The following PLPPR5 variants were observed in gnomAD, a reference collection of about 807,000 sequenced individuals.
PLPPR5 encodes the protein phospholipid phosphatase-related protein type 5.
A neutral mutation model predicts 33.9 loss-of-function variants in PLPPR5; 16 were observed. The ratio of observed to expected loss-of-function variants is 0.47; its 90% confidence interval spans 0.32 to 0.72. The LOEUF (loss-of-function observed/expected upper bound fraction) is 0.72. Ranked by LOEUF, PLPPR5 falls within the 30% of genes least tolerant of loss-of-function variation. PLPPR5 has a pLI of 0.03. For missense variants in PLPPR5, 301 were observed against 406.7 expected (o/e 0.74, Z 2.23); for synonymous variants, 163 against 150.3 (o/e 1.08, Z -0.62).
chr1:98,951,422 T>C (rs1650781205), intron 3 of PLPPR5, among the ~76,000 whole-genome samples: 1 of 152,202 alleles, frequency 6.6e-6, no homozygotes, highest in Middle Eastern at 3.4e-3. Context: ...CACAGTGAGA[T>C]GGCAAGGAGA....
rs563346728 is a variant in PLPPR5 at position 98,999,485 on chromosome 1, GT to G, written c.237+4949del. 5.3e-5 allele frequency among the ~76,000 whole-genome samples: 8 copies of G among 152,304 alleles called. No individual in the cohort carries two copies. In the South Asian group the frequency reaches 8.3e-4, roughly 16 times the overall value. ...TGTACTGAGTCTCCAAGAGGTGGGT[GT>G]TTTTATGTTCAGTTTATGAATGAGA... On this transcript the variant is annotated intron_variant, in intron 1 of 5. Transcript: ENST00000263177.
At chr1:98,969,550 G>A (rs1241338335) in intron 1 of PLPPR5, among the ~76,000 whole-genome samples, 1 of 151,904 alleles carries the variant, frequency 6.6e-6, no homozygotes, top group Non-Finnish European at 1.5e-5. Context: ...TTGGATCTAT[G>A]GCTTAGAAAG....
intron 1 of PLPPR5, among the ~76,000 whole-genome samples, chr1:98,993,190 G>A (rs962685897): frequency 5.3e-5 from 8 of 152,050 alleles, no homozygotes; most frequent in African/African-American, 1.9e-4. Context: ...TCTAGGCATT[G>A]ATTTGACAAT....
chr1:98,921,193 T>C (rs148818997), intron 4 of PLPPR5, among the ~76,000 whole-genome samples: 306 of 152,306 alleles, frequency 2.0e-3, no homozygotes, highest in African/African-American at 6.6e-3. Flanking sequence ...ATGGAAATAG[T>C]CCTAGAAGAT....
chr1:98,981,634 C>T (rs1047580498), intron 1 of PLPPR5, among the ~76,000 whole-genome samples: 1 of 152,062 alleles, frequency 6.6e-6, no homozygotes, highest in African/African-American at 2.4e-5. Flanking sequence ...GAACCCATTA[C>T]ACACAGACAG....
At chr1:98,995,704 T>G (rs1238506110) in intron 1 of PLPPR5, among the ~76,000 whole-genome samples, 1 of 152,106 alleles carries the variant, frequency 6.6e-6, no homozygotes, top group African/African-American at 2.4e-5. Flanking sequence ...CAGGATTTCA[T>G]GAACTAAAAA....
intron 3 of PLPPR5, among the ~76,000 whole-genome samples, chr1:98,945,486 A>G (rs1271441992): frequency 6.6e-6 from 1 of 152,100 alleles, no homozygotes; most frequent in Non-Finnish European, 1.5e-5. Context: ...CAATGGGGGT[A>G]CCTTCCAGGA....
chr1:98,979,057 C>T (rs1428741442), intron 1 of PLPPR5, among the ~76,000 whole-genome samples: 1 of 152,036 alleles, frequency 6.6e-6, no homozygotes, highest in Non-Finnish European at 1.5e-5. Flanking sequence ...CAGCATTTCA[C>T]CTGATACTCA....
At chr1:98,916,952 C>T (rs74747951) in intron 4 of PLPPR5, among the ~76,000 whole-genome samples, 2,757 of 152,130 alleles carry the variant, frequency 0.018, 87 homozygotes, top group African/African-American at 0.062. Context: ...GACAGTTCTC[C>T]GAGTCTCAGT....
At chr1:98,903,364 G>T (rs1449310612) in intron 5 of PLPPR5, among the ~76,000 whole-genome samples, 1 of 151,944 alleles carries the variant, frequency 6.6e-6, no homozygotes, top group African/African-American at 2.4e-5. Context: ...TTGCATTATA[G>T]AAAATCAACT....
chr1:98,993,235 T>C (rs1296686244), intron 1 of PLPPR5, among the ~76,000 whole-genome samples: 1 of 152,106 alleles, frequency 6.6e-6, no homozygotes, highest in Non-Finnish European at 1.5e-5. Context: ...TAAGCCCTTC[T>C]TCACGACTAA....
chr1:98,910,484 A>G (rs1649078807), intron 5 of PLPPR5, among the ~76,000 whole-genome samples: 1 of 152,214 alleles, frequency 6.6e-6, no homozygotes, highest in Non-Finnish European at 1.5e-5. Flanking sequence ...TTTCTATGGC[A>G]TATTTCTGGT....
At chr1:98,974,927 T>C (rs1327778450) in intron 1 of PLPPR5, among the ~76,000 whole-genome samples, 1 of 152,058 alleles carries the variant, frequency 6.6e-6, no homozygotes, top group East Asian at 1.9e-4. Flanking sequence ...CAGTGAAGTT[T>C]TGCTGCTAAA....
chr1:98,911,405 T>C (rs761154546), intron 5 of PLPPR5, among the ~76,000 whole-genome samples: 1 of 152,212 alleles, frequency 6.6e-6, no homozygotes, highest in Non-Finnish European at 1.5e-5. Context: ...TGTACATGAA[T>C]ACATATATTA....
At chr1:98,965,449 A>G (rs1210509479) in intron 1 of PLPPR5, among the ~76,000 whole-genome samples, 2 of 152,162 alleles carry the variant, frequency 1.3e-5, no homozygotes, top group African/African-American at 4.8e-5. Context: ...AGTCTCCATC[A>G]TGTCTTTGAG....
chr1:98,931,590 G>A (rs1047760542), intron 3 of PLPPR5, among the ~76,000 whole-genome samples: 1 of 152,122 alleles, frequency 6.6e-6, no homozygotes, highest in Non-Finnish European at 1.5e-5. Flanking sequence ...GGAAGGCGGG[G>A]CTGGAGTAGT....
rs533245000 is a variant in PLPPR5, at chr1:98,940,550, A to G, written c.621+12520T>C. On this transcript the variant is annotated intron_variant, in intron 3 of 5. Coordinates refer to ENST00000263177, the MANE Select transcript of PLPPR5 (RefSeq NM_001037317.2). ...CACACGTAGGAGTGTAACGCTTGAA[A>G]GGGCTTTCACTGGGAGGGCAGGCTA... is the stretch of plus-strand genomic sequence containing the variant. Among the ~76,000 whole-genome samples, 33 of 152,034 alleles carry G rather than the reference A, an allele frequency of 2.2e-4. 1 individual carries two copies. The highest frequency in any genetic ancestry group is 2.2e-3 in the Admixed American group (33 of 15,226).
Position 99,003,056 on chromosome 1 carries a change from CATATATATATATATATATATATAT to C in PLPPR5, c.237+1355_237+1378del, listed in dbSNP as rs59686592. On this transcript the variant is annotated intron_variant, in intron 1 of 5. Coordinates refer to ENST00000263177, the MANE Select transcript of PLPPR5 (RefSeq NM_001037317.2). Reference sequence around the variant, plus strand: ...TAACACATTTTAGCAACTTATTTTACATATATATATATATATATATATATATATATATATATATATGTAAAACAT... The same window carrying C: ...TAACACATTTTAGCAACTTATTTTACATATATATATATATATGTAAAACAT... Among the ~76,000 whole-genome samples the C allele has an allele frequency of 5.8e-3, 472 of 81,122 alleles. 12 individuals are homozygous for C. The highest frequency in any genetic ancestry group is 0.04 in the South Asian group (78 of 1,960). The allele number at this position is 81,122 out of a possible 152,430, so 53.2% of individuals were successfully genotyped here.
At chr1:98,898,410 T>G (rs1207824207) in intron 5 of PLPPR5, among the ~76,000 whole-genome samples, 45 of 152,178 alleles carry the variant, frequency 3.0e-4, no homozygotes, top group Admixed American at 2.9e-3. Context: ...CTGTTTATTT[T>G]GCGATTTGCT....
Sources: allele counts gnomAD v4.1 joint callset (sites outside exome capture counted in the v4.1 genomes callset), GRCh38; gene constraint gnomAD v4.1.1; transcripts MANE v1.5; gene names NCBI Gene and HGNC (gene_info 2026-07-23, HGNC 2026-07-21).